The following ASCC3 variants were observed in gnomAD, a reference collection of about 807,000 sequenced individuals.
The protein encoded by ASCC3 is activating signal cointegrator 1 complex subunit 3, also known as ASC-1 complex subunit P200.
Under a neutral mutation model 256.3 loss-of-function variants are expected in ASCC3, and 158 were observed. The ratio of observed to expected loss-of-function variants is 0.62; its 90% CI spans 0.54 to 0.70. The LOEUF (loss-of-function observed/expected upper bound fraction) is 0.70, where lower values mean the gene tolerates loss of function less well. Among genes scored for constraint, ASCC3 ranks in the 30% least tolerant of loss-of-function variants. ASCC3 has a pLI of 0.00. For synonymous variants in ASCC3, 948 were observed against 883.4 expected, an observed-to-expected ratio of 1.07 and a Z score of -1.30; for missense variants, 2,259 against 2,626.0, an observed-to-expected ratio of 0.86 and a Z score of 3.05.
At chr6:100,795,328 G>T (rs1769556538) in intron 8 of ASCC3, among the ~76,000 whole-genome samples, 1 of 151,642 alleles carries the variant, frequency 6.6e-6, no homozygotes, top group South Asian at 2.1e-4. Context: ...AAAATAATAA[G>T]AGAAACACAA....
At position 100,540,283 on chromosome 6, in the gene ASCC3, G is replaced by A; in HGVS notation, c.5655C>T (p.Asp1885=). 2 of 1,613,704 alleles carry A rather than the reference G, an allele frequency of 1.2e-6. No homozygotes were observed. The highest frequency in any genetic ancestry group is 1.7e-6 in the Non-Finnish European group (2 of 1,179,916). The part of the protein sequence containing the change: ...LPIESNPHSF[D]SPHTKAHLLL... Reference sequence around the variant, plus strand: ...GGAGATGTGCTTTGGTGTGAGGGCTGTCAAATGAATGAGGATTTGATTCAA... The same window carrying A: ...GGAGATGTGCTTTGGTGTGAGGGCTATCAAATGAATGAGGATTTGATTCAA... The change falls in exon 37 of 42, where the codon GAC becomes GAT. Residue 1885 remains aspartate, a synonymous_variant. Coordinates refer to ENST00000369162, the MANE Select transcript of ASCC3 (RefSeq NM_006828.4).
Position 100,651,551 on chromosome 6 carries a change from A to G in ASCC3, c.3075+9T>C, listed in dbSNP as rs1411043471. 2.6e-6 allele frequency: 4 copies of G among 1,537,514 alleles called. No individual in the cohort carries two copies. In the African/African-American group the frequency reaches 4.1e-5, roughly 16 times the overall value. Reference sequence around the variant, plus strand: ...GTATGCATTTGATTCAAATTTCAAGAAATCTTACCTTAATTTGATCAAATT... The same window carrying G: ...GTATGCATTTGATTCAAATTTCAAGGAATCTTACCTTAATTTGATCAAATT... On this transcript the variant is annotated intron_variant, in intron 19 of 41. Transcript: ENST00000369162.
At position 100,509,087 on chromosome 6, in the gene ASCC3, T is replaced by C. The variant is rs1473908663; in HGVS notation, c.*299A>G. ...TACATTGTGAGATGTAAAATTTGAT[T>C]GATAGCTCCTAAATATCATCCCAAA... On this transcript the variant is annotated 3_prime_UTR_variant, in exon 42 of 42. Coordinates refer to ENST00000369162, the MANE Select transcript of ASCC3 (RefSeq NM_006828.4). The C allele has an allele frequency of 7.9e-6, 3 of 379,328 alleles. No homozygotes were observed. Among genetic ancestry groups the C allele is most frequent in the African/African-American group, 2.1e-5 (1 of 48,198 alleles). The allele number at this position is 379,328 out of a possible 1,614,324, so 23.5% of individuals were successfully genotyped here.
intron 36 of ASCC3, among the ~76,000 whole-genome samples, chr6:100,557,483 T>A (rs1769657732): frequency 6.6e-6 from 1 of 152,200 alleles, no homozygotes; most frequent in South Asian, 2.1e-4. Flanking sequence ...GAACTCATTA[T>A]AATAAAACGT....
At chr6:100,638,166 A>G (rs540940074) in intron 25 of ASCC3, among the ~76,000 whole-genome samples, 1 of 152,308 alleles carries the variant, frequency 6.6e-6, no homozygotes, top group African/African-American at 2.4e-5. Context: ...AGCCACAACC[A>G]TGATCAGTCA....
chr6:100,535,565 GTTCAA>G (rs1775120056), intron 37 of ASCC3, among the ~76,000 whole-genome samples: 1 of 148,532 alleles, frequency 6.7e-6, no homozygotes, highest in African/African-American at 2.5e-5. Context: ...CGCCTCCCCG[GTTCAA>G]GCAGTTCTCG....
chr6:100,562,380 A>G (rs1311569882), intron 36 of ASCC3, among the ~76,000 whole-genome samples: 2 of 152,082 alleles, frequency 1.3e-5, no homozygotes, highest in African/African-American at 4.8e-5. Flanking sequence ...CAGCATAAAA[A>G]TATTCATTTT....
At chr6:100,566,168 C>T (rs562932848) in intron 36 of ASCC3, among the ~76,000 whole-genome samples, 201 of 152,138 alleles carry the variant, frequency 1.3e-3, no homozygotes, top group African/African-American at 4.6e-3. Flanking sequence ...AACATGTGTC[C>T]CTTAAATATG....
At chr6:100,785,750 C>G (rs1009223169) in intron 8 of ASCC3, among the ~76,000 whole-genome samples, 3 of 152,046 alleles carry the variant, frequency 2.0e-5, no homozygotes, top group Non-Finnish European at 2.9e-5. Context: ...ACTCAATATG[C>G]CTGTAAGTGT....
At chr6:100,579,763 A>G (rs1158035813) in intron 36 of ASCC3, among the ~76,000 whole-genome samples, 2 of 152,138 alleles carry the variant, frequency 1.3e-5, no homozygotes, top group South Asian at 4.1e-4. Flanking sequence ...AGGTAACATG[A>G]TATCTCCAGC....
chr6:100,511,938 T>C (rs1044022265), intron 40 of ASCC3, among the ~76,000 whole-genome samples: 1 of 152,274 alleles, frequency 6.6e-6, no homozygotes, highest in East Asian at 1.9e-4. Flanking sequence ...ATTCTAGATA[T>C]GGGAAAGCCC....
chr6:100,665,096 T>C (rs1403343432), intron 14 of ASCC3, among the ~76,000 whole-genome samples: 6 of 152,098 alleles, frequency 3.9e-5, no homozygotes, highest in Admixed American at 3.3e-4. Flanking sequence ...GTGATAGAGA[T>C]GTTTCTTATA....
intron 30 of ASCC3, among the ~76,000 whole-genome samples, chr6:100,619,512 G>A (rs1773838149): frequency 6.6e-6 from 1 of 152,030 alleles, no homozygotes; most frequent in Non-Finnish European, 1.5e-5. Context: ...ATATAAAATT[G>A]CAATTTTCAA....
chr6:100,626,333 T>C (rs1240023258), intron 29 of ASCC3, among the ~76,000 whole-genome samples: 1 of 152,042 alleles, frequency 6.6e-6, no homozygotes, highest in Non-Finnish European at 1.5e-5. Flanking sequence ...AATTTCTTTT[T>C]ATGGGCTGGG....
rs185701673 is a variant in ASCC3 at position 100,695,179 on chromosome 6, T to C, written c.2152-15427A>G. Among the ~76,000 whole-genome samples, 37 of 152,250 alleles carry C rather than the reference T, an allele frequency of 2.4e-4. No homozygotes were observed. The East Asian group carries it at 2.7e-3, about 11-fold the overall frequency. On this transcript the variant is annotated intron_variant, in intron 13 of 41. Transcript: ENST00000369162. ...GAGTCATTTTACAAAATAATTGATA[T>C]ACGCTCTTTGAAAAATGTCAAAGTC...
chr6:100,560,758 C>T (rs1769892217), intron 36 of ASCC3, among the ~76,000 whole-genome samples: 1 of 142,738 alleles, frequency 7.0e-6, no homozygotes, highest in South Asian at 2.1e-4. Flanking sequence ...AACACACACA[C>T]ACACACACAC....
At chr6:100,631,755 A>G (rs1774556684) in intron 25 of ASCC3, among the ~76,000 whole-genome samples, 1 of 151,900 alleles carries the variant, frequency 6.6e-6, no homozygotes. Flanking sequence ...AAAAAAATAA[A>G]TAAAAGCTGG....
intron 36 of ASCC3, among the ~76,000 whole-genome samples, chr6:100,585,660 T>G (rs1315716800): frequency 1.3e-5 from 2 of 152,094 alleles, no homozygotes; most frequent in Non-Finnish European, 1.5e-5. Context: ...GGTGCTCTGC[T>G]TTTTAGAGTT....
intron 36 of ASCC3, among the ~76,000 whole-genome samples, chr6:100,550,136 G>A (rs949279401): frequency 7.2e-5 from 11 of 151,856 alleles, no homozygotes; most frequent in African/African-American, 2.4e-4. Flanking sequence ...GGTGGTGGAA[G>A]GAGAAGAAAT....
Sources: allele counts gnomAD v4.1 joint callset (sites outside exome capture counted in the v4.1 genomes callset), GRCh38; gene constraint gnomAD v4.1.1; transcripts MANE v1.5; gene names NCBI Gene and HGNC (gene_info 2026-07-23, HGNC 2026-07-21).